Variants in SUN1 observed in about 807,000 individuals in gnomAD.
SUN1 encodes SUN domain-containing protein 1.
SUN1 carries 61 observed loss-of-function variants against 103.2 expected under a neutral mutation model. That is an observed-to-expected ratio of 0.59 (90% confidence interval 0.48 to 0.73). The LOEUF is 0.73. Among genes scored for constraint, SUN1 ranks in the 30% least tolerant of loss-of-function variants. The pLI is 0.00. For missense variants in SUN1, 1,052 were observed against 1,034.6 expected (o/e 1.02, Z -0.23); for synonymous variants, 490 against 425.7 (o/e 1.15, Z -1.86).
At chr7:834,694 A>C (rs1584317871) in intron 1 of SUN1, among the ~76,000 whole-genome samples, 1 of 152,016 alleles carries the variant, frequency 6.6e-6, no homozygotes, top group African/African-American at 2.4e-5. Context: ...CTCCATCACT[A>C]CCCTTGTCTT....
chr7:850,062 C>A, intron 5 of SUN1: 1 of 1,527,796 alleles, frequency 6.5e-7, no homozygotes, highest in Non-Finnish European at 8.8e-7. Flanking sequence ...TCCGTCTCAT[C>A]TCGCCCTGTC....
At chr7:821,841 T>A (rs1465670987) in intron 1 of SUN1, among the ~76,000 whole-genome samples, 1 of 152,220 alleles carries the variant, frequency 6.6e-6, no homozygotes, top group African/African-American at 2.4e-5. Context: ...TCGGGGTTCA[T>A]CAGGCAGATT....
chr7:842,988 CG>C, intron 3 of SUN1: 1 of 670,426 alleles, frequency 1.5e-6, no homozygotes, highest in Non-Finnish European at 2.6e-6. Context: ...TGTGTGCTGC[CG>C]TCTGTCTGTA....
chr7:848,421 G>A lies in SUN1; in HGVS notation c.659-2963G>A, dbSNP rs747080214. On this transcript the variant is annotated intron_variant, in intron 5 of 18. Transcript: ENST00000401592. ...CATGTTCATGGTTTTTTAATAGGCG[G>A]TGCGTCTTTCTACGTGAATAGGATT... 5 of 1,357,242 alleles carry A rather than the reference G, an allele frequency of 3.7e-6. No homozygotes were observed. In the South Asian group the frequency reaches 5.9e-5, roughly 16 times the overall value. The allele number at this position is 1,357,242 out of a possible 1,614,324, so 84.1% of individuals were successfully genotyped here.
chr7:847,145 C>T (rs944650355), intron 5 of SUN1, among the ~76,000 whole-genome samples: 1 of 152,212 alleles, frequency 6.6e-6, no homozygotes, highest in African/African-American at 2.4e-5. Context: ...TATGTGTGAA[C>T]AGCATTGGAG....
rs1843012397 is a variant in SUN1 at position 873,492 on chromosome 7, T to C, written c.*161T>C. ...GGACGTGAGCGTGTGACGGGCGCCT[T>C]GGCGCCACCTGTTGGGTGCTCACTG... On this transcript the variant is annotated 3_prime_UTR_variant, in exon 19 of 19. Transcript: ENST00000401592. 1.4e-6 allele frequency: 1 copy of C among 693,928 alleles called. No individual in the cohort carries two copies. The highest frequency in any genetic ancestry group is 1.9e-5 in the South Asian group (1 of 53,122). The allele number at this position is 693,928 out of a possible 1,614,324, so 43.0% of individuals were successfully genotyped here.
chr7:874,779 T>C lies in SUN1; in HGVS notation c.*1448T>C, dbSNP rs1843444347. 1 of 152,280 alleles carries C rather than the reference T, an allele frequency of 6.6e-6. No homozygotes were observed. 9.4% of individuals were successfully genotyped at this position (152,280 alleles called of 1,614,324 possible). On this transcript the variant is annotated 3_prime_UTR_variant, in exon 19 of 19. Coordinates refer to ENST00000401592, the MANE Select transcript of SUN1 (RefSeq NM_001130965.3). ...TTTTTAAAGATGCAAGATAGGACTTTGTGCAATGTATTTTTGTAAATGCTT... is the reference window on the plus strand; with the variant it reads ...TTTTTAAAGATGCAAGATAGGACTTCGTGCAATGTATTTTTGTAAATGCTT...
rs749756811 is a variant in SUN1, at chr7:849,963, A to T, written c.659-1421A>T. ...GCAAGAGGCACCTCGACGCGCACAC[A>T]GCCGCCCACTCGCAGTCGCCACGGC... On this transcript the variant is annotated intron_variant, in intron 5 of 18. Coordinates refer to ENST00000401592, the MANE Select transcript of SUN1 (RefSeq NM_001130965.3). 4 of 1,602,006 alleles carry T rather than the reference A, an allele frequency of 2.5e-6. No homozygotes were observed. The Admixed American group carries it at 6.7e-5, about 27-fold the overall frequency.
chr7:851,879 G>A, intron 6 of SUN1, 71 bp from the exon 7 acceptor site: 1 of 1,523,224 alleles, frequency 6.6e-7, no homozygotes, highest in Non-Finnish European at 9.1e-7. Context: ...GGCCTTCACA[G>A]AAATGGTCCA....
intron 17 of SUN1, among the ~76,000 whole-genome samples, chr7:870,205 TAA>T (rs34486427): frequency 8.0e-5 from 11 of 137,170 alleles, no homozygotes; most frequent in Non-Finnish European, 7.7e-5. Context: ...ACCCTGTCTT[TAA>T]AAAAAAAAAA....
chr7:831,900 T>A (rs964634519), upstream of SUN1: 2 of 323,780 alleles, frequency 6.2e-6, no homozygotes, highest in African/African-American at 4.5e-5. Context: ...TCCAAATAAA[T>A]CTAGATGACA....
intron 3 of SUN1, 141 bp downstream of exon 3, chr7:842,271 G>T (rs1311919837): frequency 6.8e-6 from 6 of 888,532 alleles, no homozygotes. Flanking sequence ...CACATTGTGG[G>T]TTTGCTGCGT....
At chr7:860,958 C>T (rs1205569848) in intron 14 of SUN1, among the ~76,000 whole-genome samples, 1 of 152,164 alleles carries the variant, frequency 6.6e-6, no homozygotes, top group Non-Finnish European at 1.5e-5. Flanking sequence ...CGCTCCCTGC[C>T]ACAATGTGGG....
At chr7:816,526 C>T (rs1256213707), upstream of SUN1, 2 of 342,146 alleles carry the variant, frequency 5.8e-6, no homozygotes, top group Non-Finnish European at 5.6e-6. Flanking sequence ...TTGGCCAGAA[C>T]GCTTCGGGTG....
intron 1 of SUN1, among the ~76,000 whole-genome samples, chr7:818,636 C>T (rs116531434): frequency 7.0e-4 from 106 of 152,224 alleles, no homozygotes; most frequent in African/African-American, 2.1e-3. Context: ...TCACAGTGTC[C>T]GCACCATTTT....
Position 873,225 on chromosome 7 carries a change from A to G in SUN1, c.2252A>G (p.Asp751Gly). The part of the protein sequence containing the change: ...LQMFQALKRP[D>G]DTAFQIVELR... ...CCACCTTGATTTCAGAAAAGACCCGACGACACAGCTTTCCAAATAGTGGAA... is the reference window on the plus strand; with the variant it reads ...CCACCTTGATTTCAGAAAAGACCCGGCGACACAGCTTTCCAAATAGTGGAA... The change falls in exon 19 of 19, where the codon GAC (aspartate) becomes GGC (glycine). Residue 751 changes from aspartate to glycine, a missense_variant. Physicochemically the swap from Asp to Gly is moderately conservative, Grantham distance 94 (BLOSUM62 -1). This residue lies in a region of SUN1 where 206 missense variants were observed against 260.1 expected (regional missense o/e 0.79). Coordinates refer to ENST00000401592, the MANE Select transcript of SUN1 (RefSeq NM_001130965.3). The G allele has an allele frequency of 6.2e-7, 1 of 1,614,268 alleles. No individual in the cohort carries two copies. Among genetic ancestry groups the G allele is most frequent in the Non-Finnish European group, 8.5e-7 (1 of 1,180,042 alleles).
In SUN1 at chr7:863,108, C is replaced by G. The variant is rs181242017; in HGVS notation, c.1864+1644C>G. Among the ~76,000 whole-genome samples, 425 of 152,304 alleles carry G rather than the reference C, an allele frequency of 2.8e-3. 3 individuals carry two copies. Among genetic ancestry groups the G allele is most frequent in the African/African-American group, 9.1e-3 (380 of 41,556 alleles). The stretch of plus-strand genomic sequence containing the variant: ...AGTAAGCTGAGATCGTGCCACTGCA[C>G]TCCAGCCTGGGTGACAGAGCGAGAC... On this transcript the variant is annotated intron_variant, in intron 15 of 18. Transcript: ENST00000401592.
At chr7:866,895 C>G (rs1171464154) in intron 16 of SUN1, among the ~76,000 whole-genome samples, 3 of 151,472 alleles carry the variant, frequency 2.0e-5, no homozygotes, top group Non-Finnish European at 4.4e-5. Context: ...ATTGGCTGTA[C>G]AAGTTTAAAG....
chr7:836,450 G>A (rs1392491804), intron 1 of SUN1, among the ~76,000 whole-genome samples: 1 of 152,212 alleles, frequency 6.6e-6, no homozygotes, highest in Non-Finnish European at 1.5e-5. Context: ...GGAGACTCAG[G>A]GCAGCCGATG....
Sources: gnomAD v4.1 joint callset for allele counts (sites outside exome capture counted in the v4.1 genomes callset) on GRCh38, gnomAD v4.1.1 for gene constraint, gnomAD v4.1.1 regional missense constraint, MANE v1.5 for transcripts, NCBI Gene and HGNC (gene_info 2026-07-23, HGNC 2026-07-21) for gene names.